The following MDGA2 variants were observed in gnomAD, a reference collection of about 807,000 sequenced individuals.
The protein encoded by MDGA2 is MAM domain containing glycosylphosphatidylinositol anchor 2.
A neutral mutation model predicts 117.8 loss-of-function variants in MDGA2; 40 were observed. The ratio of observed to expected loss-of-function variants is 0.34; its 90% CI spans 0.26 to 0.44. The LOEUF (loss-of-function observed/expected upper bound fraction) is 0.44, where lower values mean the gene tolerates loss of function less well. Among genes scored for constraint, MDGA2 ranks in the 20% least tolerant of loss-of-function variants. The pLI, the probability that MDGA2 is intolerant of heterozygous loss-of-function variation, is 1.00. For missense variants in MDGA2, 1,123 were observed against 1,250.6 expected (o/e 0.90, Z 1.54); for synonymous variants, 452 against 439.0 (o/e 1.03, Z -0.37).
chr14:47,455,656 G>C (rs1328899254), intron 1 of MDGA2, among the ~76,000 whole-genome samples: 1 of 152,114 alleles, frequency 6.6e-6, no homozygotes, highest in Non-Finnish European at 1.5e-5. Context: ...GTTTTGTTTG[G>C]TTTTCAATAC....
chr14:47,249,480 C>A (rs1371808005), intron 2 of MDGA2, among the ~76,000 whole-genome samples: 2 of 152,134 alleles, frequency 1.3e-5, no homozygotes, highest in South Asian at 2.1e-4. Flanking sequence ...TGCCACCACA[C>A]CCAGCTAAAT....
chr14:47,389,994 C>T (rs1047934775), intron 1 of MDGA2, among the ~76,000 whole-genome samples: 44 of 152,098 alleles, frequency 2.9e-4, no homozygotes, highest in Non-Finnish European at 4.4e-5. Flanking sequence ...TAGAGGCTAC[C>T]CATGGAAGTA....
chr14:47,462,389 A>G (rs546589159), intron 1 of MDGA2, among the ~76,000 whole-genome samples: 44 of 151,642 alleles, frequency 2.9e-4, no homozygotes, highest in African/African-American at 8.2e-4. Flanking sequence ...AAAAAAAAAA[A>G]AAAGAAAGAA....
chr14:47,063,036 T>C (rs898833541), intron 6 of MDGA2, among the ~76,000 whole-genome samples: 3 of 152,010 alleles, frequency 2.0e-5, no homozygotes, highest in Non-Finnish European at 2.9e-5. Flanking sequence ...AAAATAGACA[T>C]AACCATGGCC....
chr14:47,567,828 T>G (rs1895948230), intron 1 of MDGA2, among the ~76,000 whole-genome samples: 1 of 152,118 alleles, frequency 6.6e-6, no homozygotes, highest in African/African-American at 2.4e-5. Context: ...AAGTACAAAA[T>G]TTTATTTGTT....
intron 1 of MDGA2, among the ~76,000 whole-genome samples, chr14:47,329,334 GA>G (rs1369906087): frequency 6.6e-6 from 1 of 151,206 alleles, no homozygotes; most frequent in Non-Finnish European, 1.5e-5. Context: ...TTGTAAAAAA[GA>G]AAAAAAGACA....
At chr14:47,359,717 C>CTCCA (rs1359231305) in intron 1 of MDGA2, among the ~76,000 whole-genome samples, 1 of 138,762 alleles carries the variant, frequency 7.2e-6, no homozygotes, top group African/African-American at 2.7e-5. Flanking sequence ...CGCCACTGCA[C>CTCCA]TCCAGCCTGG....
At chr14:47,419,406 C>T (rs952596118) in intron 1 of MDGA2, among the ~76,000 whole-genome samples, 2 of 151,742 alleles carry the variant, frequency 1.3e-5, no homozygotes, top group African/African-American at 2.4e-5. Flanking sequence ...AGGCCATGAC[C>T]CAAAGAAAGT....
chr14:47,603,286 G>C lies in MDGA2; in HGVS notation c.280+71231C>G, dbSNP rs559424662. Among the ~76,000 whole-genome samples, 71 of 152,208 alleles carry C rather than the reference G, an allele frequency of 4.7e-4. 1 individual carries two copies. The highest frequency in any genetic ancestry group is 9.3e-4 in the Non-Finnish European group (63 of 68,008). On this transcript the variant is annotated intron_variant, in intron 1 of 16. Transcript: ENST00000399232. Reference sequence around the variant, plus strand: ...TTATAATCCTTTCTTAGTCATTAATGAAACTATCGGATTTCATTTGAATGC... The same window carrying C: ...TTATAATCCTTTCTTAGTCATTAATCAAACTATCGGATTTCATTTGAATGC...
At chr14:47,308,465 ACTTT>A (rs759542890) in intron 1 of MDGA2, among the ~76,000 whole-genome samples, 8 of 148,918 alleles carry the variant, frequency 5.4e-5, no homozygotes, top group African/African-American at 9.9e-5. Context: ...CTAAAAGGCC[ACTTT>A]CTTTCTTTTC....
At chr14:47,077,420 CT>C (rs1566610452) in intron 6 of MDGA2, among the ~76,000 whole-genome samples, 1 of 152,054 alleles carries the variant, frequency 6.6e-6, no homozygotes, top group African/African-American at 2.4e-5. Context: ...CTTTTCATAG[CT>C]GTATTACTGT....
At chr14:47,571,662 C>T (rs1896022103) in intron 1 of MDGA2, among the ~76,000 whole-genome samples, 3 of 151,382 alleles carry the variant, frequency 2.0e-5, no homozygotes, top group South Asian at 4.2e-4. Context: ...GAACAGAAAA[C>T]CAAACACTGC....
chr14:47,344,020 G>C (rs1265062842), intron 1 of MDGA2, among the ~76,000 whole-genome samples: 1 of 152,070 alleles, frequency 6.6e-6, no homozygotes, highest in Non-Finnish European at 1.5e-5. Flanking sequence ...TGTCATTCTT[G>C]CCCCTCTGAG....
At chr14:47,623,259 T>A (rs1897082420) in intron 1 of MDGA2, among the ~76,000 whole-genome samples, 1 of 152,186 alleles carries the variant, frequency 6.6e-6, no homozygotes, top group Non-Finnish European at 1.5e-5. Flanking sequence ...AGCACCTTGA[T>A]ATTGGACTTC....
chr14:46,968,828 C>G, intron 8 of MDGA2, among the ~76,000 whole-genome samples: 1 of 144,570 alleles, frequency 6.9e-6, no homozygotes, highest in East Asian at 2.1e-4. Context: ...CAGAGCAAGA[C>G]TCTGTCTAAA....
intron 9 of MDGA2, among the ~76,000 whole-genome samples, chr14:46,950,187 T>A (rs1885318700): frequency 5.9e-5 from 9 of 151,946 alleles, no homozygotes; most frequent in African/African-American, 2.2e-4. Context: ...ATTAACTTCA[T>A]TAAGTGATAC....
At chr14:47,279,158 C>T (rs1447519890) in intron 2 of MDGA2, among the ~76,000 whole-genome samples, 2 of 152,102 alleles carry the variant, frequency 1.3e-5, no homozygotes. Flanking sequence ...AATCTAGGTG[C>T]ATTAGTCTTA....
At chr14:47,284,260 T>C (rs552953254) in intron 2 of MDGA2, among the ~76,000 whole-genome samples, 10 of 152,316 alleles carry the variant, frequency 6.6e-5, no homozygotes, top group African/African-American at 1.9e-4. Flanking sequence ...GTCAGCTTAA[T>C]GAAGCCAAAT....
At chr14:47,354,956 C>T (rs902229158) in intron 1 of MDGA2, among the ~76,000 whole-genome samples, 1 of 152,124 alleles carries the variant, frequency 6.6e-6, no homozygotes, top group African/African-American at 2.4e-5. Context: ...AAACCCTCAA[C>T]CTTGACAGGC....
Sources: allele counts gnomAD v4.1 joint callset (sites outside exome capture counted in the v4.1 genomes callset), GRCh38; gene constraint gnomAD v4.1.1; transcripts MANE v1.5; gene names NCBI Gene and HGNC (gene_info 2026-07-23, HGNC 2026-07-21).